The following GALNT13 variants were observed in gnomAD, a reference collection of about 807,000 sequenced individuals.
GALNT13 encodes the protein UDP-GalNAc:polypeptide N-acetylgalactosaminyltransferase 13.
GALNT13 carries 28 observed loss-of-function variants against 64.2 expected under a neutral mutation model. The ratio of observed to expected loss-of-function variants is 0.44; its 90% CI spans 0.32 to 0.60. The LOEUF (loss-of-function observed/expected upper bound fraction) is 0.60, where lower values mean the gene tolerates loss of function less well. GALNT13 is among the 20% of genes least tolerant of loss of function. The pLI is 0.05. For missense variants in GALNT13, 577 were observed against 669.8 expected, an observed-to-expected ratio of 0.86 and a Z score of 1.53; for synonymous variants, 214 against 224.6, an observed-to-expected ratio of 0.95 and a Z score of 0.42.
intron 3 of GALNT13, among the ~76,000 whole-genome samples, chr2:154,115,292 A>G (rs1262948693): frequency 6.6e-6 from 1 of 151,956 alleles, no homozygotes; most frequent in Non-Finnish European, 1.5e-5. Context: ...ATTTTTATCT[A>G]TTTTTATTAT....
intron 9 of GALNT13, among the ~76,000 whole-genome samples, chr2:154,354,480 A>C (rs1242284794): frequency 1.6e-5 from 2 of 126,906 alleles, no homozygotes; most frequent in East Asian, 5.5e-4. Context: ...GATATCTAAA[A>C]AATCTTGGCC....
chr2:153,104,845 G>A, the GALNT13 span, among the ~76,000 whole-genome samples: 1 of 151,906 alleles, frequency 6.6e-6, no homozygotes, highest in East Asian at 1.9e-4. Flanking sequence ...GACCTATTTT[G>A]TAATCATTTT....
the GALNT13 span, among the ~76,000 whole-genome samples, chr2:153,509,791 C>G: frequency 3.3e-5 from 5 of 152,186 alleles, no homozygotes; most frequent in South Asian, 8.3e-4. Context: ...AGACCTGACT[C>G]TAGCAGAAGG....
At chr2:153,245,288 C>G in the GALNT13 span, among the ~76,000 whole-genome samples, 8 of 152,226 alleles carry the variant, frequency 5.3e-5, no homozygotes, top group Non-Finnish European at 1.2e-4. Context: ...ACCAGCTTTG[C>G]TAAGGGACAG....
chr2:153,636,913 A>C, the GALNT13 span, among the ~76,000 whole-genome samples: 1 of 152,226 alleles, frequency 6.6e-6, no homozygotes, highest in African/African-American at 2.4e-5. Context: ...CATGTCTTTA[A>C]GTAAAATGAT....
At chr2:154,406,363 C>T (rs1699540172) in intron 10 of GALNT13, among the ~76,000 whole-genome samples, 1 of 152,112 alleles carries the variant, frequency 6.6e-6, no homozygotes, top group African/African-American at 2.4e-5. Context: ...CTTTGCACAG[C>T]AGCCACAATA....
At chr2:154,000,639 C>T (rs138541710) in intron 3 of GALNT13, among the ~76,000 whole-genome samples, 30 of 151,896 alleles carry the variant, frequency 2.0e-4, no homozygotes, top group Admixed American at 9.2e-4. Flanking sequence ...ATTCTACTGT[C>T]GTGAGAAAAT....
At chr2:153,386,077 G>A in the GALNT13 span, among the ~76,000 whole-genome samples, 1 of 151,916 alleles carries the variant, frequency 6.6e-6, no homozygotes, top group African/African-American at 2.4e-5. Context: ...ATTTGGGGGG[G>A]TTTTTTGTAG....
intron 3 of GALNT13, among the ~76,000 whole-genome samples, chr2:153,989,066 T>TG (rs1694994672): frequency 2.2e-4 from 2 of 9,244 alleles, no homozygotes; most frequent in South Asian, 0.02. Context: ...TACTGTTACA[T>TG]TTTTCCAGTG....
chr2:153,565,075 T>C, the GALNT13 span, among the ~76,000 whole-genome samples: 1 of 152,106 alleles, frequency 6.6e-6, no homozygotes, highest in African/African-American at 2.4e-5. Flanking sequence ...GATGAGGACA[T>C]GGGAAAGCTG....
the GALNT13 span, among the ~76,000 whole-genome samples, chr2:153,265,656 G>T: frequency 1.3e-5 from 2 of 152,102 alleles, no homozygotes; most frequent in Non-Finnish European, 2.9e-5. Flanking sequence ...TCTGATTTTT[G>T]ATTGTGATGA....
At chr2:153,414,478 ATT>A in the GALNT13 span, among the ~76,000 whole-genome samples, 8 of 138,134 alleles carry the variant, frequency 5.8e-5, no homozygotes, top group Admixed American at 7.3e-5. Context: ...GGATAAAAAG[ATT>A]TTTTTTTTTT....
chr2:153,209,269 C>T, the GALNT13 span, among the ~76,000 whole-genome samples: 1 of 152,092 alleles, frequency 6.6e-6, no homozygotes, highest in Non-Finnish European at 1.5e-5. Flanking sequence ...CGTGAGCCAC[C>T]ATGCCTGGCT....
intron 1 of GALNT13, among the ~76,000 whole-genome samples, chr2:153,888,714 C>G (rs887876913): frequency 6.6e-6 from 1 of 151,990 alleles, no homozygotes; most frequent in Non-Finnish European, 1.5e-5. Flanking sequence ...CCTGCCAATT[C>G]TGGGGACCAT....
the GALNT13 span, among the ~76,000 whole-genome samples, chr2:153,802,782 A>G: frequency 6.6e-6 from 1 of 152,258 alleles, no homozygotes; most frequent in African/African-American, 2.4e-5. Flanking sequence ...TAGTCACAGC[A>G]TTACAGAAAC....
At chr2:154,331,240 C>T (rs1187077636) in intron 9 of GALNT13, among the ~76,000 whole-genome samples, 1 of 151,948 alleles carries the variant, frequency 6.6e-6, no homozygotes, top group African/African-American at 2.4e-5. Context: ...AAAAGATTAT[C>T]GTCTGAAATA....
chr2:153,213,426 G>A, the GALNT13 span, among the ~76,000 whole-genome samples: 8 of 152,176 alleles, frequency 5.3e-5, no homozygotes, highest in Admixed American at 2.6e-4. Context: ...CCTCTGCCTC[G>A]GAAGGGGAGA....
the GALNT13 span, among the ~76,000 whole-genome samples, chr2:153,758,948 A>G: frequency 3.3e-5 from 5 of 152,188 alleles, no homozygotes; most frequent in East Asian, 9.6e-4. Flanking sequence ...AAATATCTTT[A>G]CATTTACTTG....
At chr2:154,227,330 T>C (rs1053333969) in intron 4 of GALNT13, among the ~76,000 whole-genome samples, 3 of 150,770 alleles carry the variant, frequency 2.0e-5, no homozygotes, top group Non-Finnish European at 3.0e-5. Context: ...TTTTTCTTTT[T>C]TTCTTTTTTT....
Sources: gnomAD v4.1 joint callset for allele counts (sites outside exome capture counted in the v4.1 genomes callset) on GRCh38, gnomAD v4.1.1 for gene constraint, MANE v1.5 for transcripts, NCBI Gene and HGNC (gene_info 2026-07-23, HGNC 2026-07-21) for gene names.